RANBP2: variants seen among roughly 807,000 people sequenced by gnomAD.
The protein encoded by RANBP2 is E3 SUMO-protein ligase RanBP2.
A neutral mutation model predicts 303.6 loss-of-function variants in RANBP2; 57 were observed. The ratio of observed to expected loss-of-function variants is 0.19; its 90% confidence interval spans 0.15 to 0.23. The LOEUF is 0.23. RANBP2 is among the 10% of genes least tolerant of loss of function. The probability of loss-of-function intolerance (pLI) is 1.00; values close to 1 mark genes in which losing one functional copy is unlikely to be tolerated. For missense variants in RANBP2, 3,138 were observed against 3,780.8 expected (o/e 0.83, Z 4.46); for synonymous variants, 1,167 against 1,301.5 (o/e 0.90, Z 2.23).
At chr2:109,183,931 A>G in the RANBP2 span, among the ~76,000 whole-genome samples, 1 of 152,166 alleles carries the variant, frequency 6.6e-6, no homozygotes, top group African/African-American at 2.4e-5. Context: ...CACACCTACC[A>G]GTTGCAGGTG....
chr2:108,864,976 G>C, the RANBP2 span, among the ~76,000 whole-genome samples: 1 of 151,850 alleles, frequency 6.6e-6, no homozygotes, highest in Admixed American at 6.6e-5. Context: ...TAAATAAATA[G>C]TAACACATTC....
chr2:109,185,343 A>G, the RANBP2 span, among the ~76,000 whole-genome samples: 1 of 152,224 alleles, frequency 6.6e-6, no homozygotes, highest in African/African-American at 2.4e-5. Flanking sequence ...ACAATAAAAG[A>G]TTGGATTGTT....
At chr2:109,406,305 T>C in the RANBP2 span, among the ~76,000 whole-genome samples, 4 of 152,162 alleles carry the variant, frequency 2.6e-5, no homozygotes, top group African/African-American at 4.8e-5. Context: ...AATCGGGAAA[T>C]GATTGCTTAC....
intron 9 of RANBP2, 77 bp downstream of exon 9, chr2:108,749,206 A>G: frequency 6.9e-6 from 11 of 1,604,932 alleles, no homozygotes; most frequent in Non-Finnish European, 9.4e-6. Flanking sequence ...ACCCAGAAAT[A>G]ACGACTTAAT....
the RANBP2 span, among the ~76,000 whole-genome samples, chr2:109,459,199 AAG>A: frequency 6.6e-6 from 1 of 152,144 alleles, no homozygotes; most frequent in African/African-American, 2.4e-5. Flanking sequence ...ATGGTGAGAT[AAG>A]AGAGAGAAGA....
chr2:108,831,655 T>TTCTA, the RANBP2 span, among the ~76,000 whole-genome samples: 1 of 151,742 alleles, frequency 6.6e-6, no homozygotes, highest in Non-Finnish European at 1.5e-5. Context: ...GGTTCCTAGG[T>TTCTA]TCTATCCCTG....
the RANBP2 span, among the ~76,000 whole-genome samples, chr2:108,823,850 A>AACTAATT: frequency 6.6e-6 from 1 of 152,044 alleles, no homozygotes; most frequent in Non-Finnish European, 1.5e-5. Context: ...GGTGGCGGGC[A>AACTAATT]TCTGTAATCC....
the RANBP2 span, among the ~76,000 whole-genome samples, chr2:109,414,151 C>G: frequency 1.3e-5 from 2 of 152,196 alleles, no homozygotes; most frequent in African/African-American, 4.8e-5. Context: ...CAGATGGGGC[C>G]AGGGCATGCT....
chr2:108,854,243 T>C, the RANBP2 span, among the ~76,000 whole-genome samples: 1 of 150,658 alleles, frequency 6.6e-6, no homozygotes, highest in African/African-American at 2.4e-5. Context: ...TCTAGAGAAA[T>C]GTAGGGAATT....
At chr2:108,899,822 C>A in the RANBP2 span, among the ~76,000 whole-genome samples, 1 of 152,014 alleles carries the variant, frequency 6.6e-6, no homozygotes, top group East Asian at 1.9e-4. Flanking sequence ...CCCGTCTCTA[C>A]TAAAAACACA....
chr2:108,893,340 A>G, the RANBP2 span, among the ~76,000 whole-genome samples: 1 of 152,230 alleles, frequency 6.6e-6, no homozygotes, highest in Non-Finnish European at 1.5e-5. Context: ...GTAGACTTCA[A>G]GTAGACCTAG....
chr2:109,274,370 G>A, the RANBP2 span, among the ~76,000 whole-genome samples: 5 of 152,322 alleles, frequency 3.3e-5, no homozygotes, highest in South Asian at 1.0e-3. Context: ...TAGCGAAAAG[G>A]TGGGACCAGC....
the RANBP2 span, among the ~76,000 whole-genome samples, chr2:109,418,836 G>A: frequency 1.8e-4 from 27 of 152,204 alleles, no homozygotes; most frequent in Middle Eastern, 3.4e-3. Flanking sequence ...GTCGTAGGGG[G>A]ACCTGGGGGC....
chr2:109,020,810 G>A, the RANBP2 span, among the ~76,000 whole-genome samples: 1 of 152,242 alleles, frequency 6.6e-6, no homozygotes, highest in Non-Finnish European at 1.5e-5. Flanking sequence ...ATAGCTTTGT[G>A]AAAAGCTATA....
At chr2:108,853,844 T>C in the RANBP2 span, among the ~76,000 whole-genome samples, 1 of 131,302 alleles carries the variant, frequency 7.6e-6, no homozygotes, top group East Asian at 2.0e-4. Flanking sequence ...ATATGCAATA[T>C]ATATATACTA....
At chr2:109,241,539 G>A in the RANBP2 span, among the ~76,000 whole-genome samples, 26 of 151,694 alleles carry the variant, frequency 1.7e-4, no homozygotes, top group South Asian at 4.8e-3. Flanking sequence ...ATAACCATCC[G>A]TCCTCCCTCC....
chr2:108,906,308 C>T, the RANBP2 span: 1 of 1,613,740 alleles, frequency 6.2e-7, no homozygotes, highest in East Asian at 2.2e-5. Flanking sequence ...TTCAGCTTAC[C>T]TTCCACGACT....
At chr2:109,592,792 G>GA in the RANBP2 span, among the ~76,000 whole-genome samples, 3 of 150,600 alleles carry the variant, frequency 2.0e-5, no homozygotes, top group East Asian at 5.8e-4. Context: ...AAAAAAAAAG[G>GA]AAACGAAAAA....
At chr2:109,411,743 G>T in the RANBP2 span, among the ~76,000 whole-genome samples, 1 of 152,178 alleles carries the variant, frequency 6.6e-6, no homozygotes, top group Non-Finnish European at 1.5e-5. Context: ...CGGGAGCCAC[G>T]CTCAGCCATG....
Sources: gnomAD v4.1 joint callset for allele counts (sites outside exome capture counted in the v4.1 genomes callset) on GRCh38, gnomAD v4.1.1 for gene constraint, MANE v1.5 for transcripts, NCBI Gene and HGNC (gene_info 2026-07-23, HGNC 2026-07-21) for gene names.